The following TWSG1 variants were observed in gnomAD, a reference collection of about 807,000 sequenced individuals.
TWSG1 encodes the protein twisted gastrulation protein homolog 1.
In TWSG1, 15 loss-of-function variants were observed where a neutral mutation model predicts 23.0. The observed-to-expected ratio is 0.65, with a 90% CI of 0.44 to 1.00. The LOEUF is 1.00. Among genes scored for constraint, TWSG1 ranks in the 50% least tolerant of loss-of-function variants. TWSG1 has a pLI of 0.00. For synonymous variants in TWSG1, 86 were observed against 92.8 expected (o/e 0.93, Z 0.42); for missense variants, 242 against 278.7 (o/e 0.87, Z 0.94).
intron 3 of TWSG1, among the ~76,000 whole-genome samples, chr18:9,379,138 G>T (rs973823321): frequency 2.2e-4 from 34 of 152,218 alleles, no homozygotes; most frequent in Middle Eastern, 3.4e-3. Flanking sequence ...ACTAAAAATA[G>T]AACTACCATT....
chr18:9,356,526 A>C (rs946852381), intron 2 of TWSG1, among the ~76,000 whole-genome samples: 2 of 152,176 alleles, frequency 1.3e-5, no homozygotes, highest in Non-Finnish European at 1.5e-5. Flanking sequence ...AATATACAGT[A>C]ATTCATTTAG....
intron 2 of TWSG1, among the ~76,000 whole-genome samples, chr18:9,352,258 G>C (rs2040505549): frequency 6.6e-6 from 1 of 152,034 alleles, no homozygotes; most frequent in Non-Finnish European, 1.5e-5. Flanking sequence ...GTGTGTGTTG[G>C]GTAGTTCTTT....
rs189981145 is a variant in TWSG1 at position 9,349,815 on chromosome 18, T to C, written c.124-10157T>C. Among the ~76,000 whole-genome samples, 4 of 152,346 alleles carry C rather than the reference T, an allele frequency of 2.6e-5. No homozygotes were observed. The East Asian group carries it at 7.7e-4, about 29-fold the overall frequency. On this transcript the variant is annotated intron_variant, in intron 2 of 4. Coordinates refer to ENST00000262120, the MANE Select transcript of TWSG1 (RefSeq NM_020648.6). ...AACATTATTTTCCTAAATTGTTTCTTTCCTCTTCATCCCATTTTCCTGCTC... is the reference window on the plus strand; with the variant it reads ...AACATTATTTTCCTAAATTGTTTCTCTCCTCTTCATCCCATTTTCCTGCTC...
chr18:9,347,220 A>G (rs1417045743), intron 2 of TWSG1, among the ~76,000 whole-genome samples: 1 of 152,166 alleles, frequency 6.6e-6, no homozygotes, highest in Non-Finnish European at 1.5e-5. Flanking sequence ...TTTGTATAGC[A>G]GTCCTTTATC....
intron 3 of TWSG1, among the ~76,000 whole-genome samples, chr18:9,362,560 T>C (rs1415406207): frequency 6.6e-6 from 1 of 152,228 alleles, no homozygotes; most frequent in African/African-American, 2.4e-5. Context: ...CAAATGAACT[T>C]TTATTAATAG....
Position 9,349,428 on chromosome 18 carries a change from G to A in TWSG1, c.124-10544G>A, listed in dbSNP as rs753036282. Among the ~76,000 whole-genome samples the A allele has an allele frequency of 2.7e-4, 41 of 152,032 alleles. 1 individual carries two copies. Among genetic ancestry groups the A allele is most frequent in the Admixed American group, 5.2e-4 (8 of 15,270 alleles). ...GCATCATTTTAGTACTTTGTTGTCT[G>A]AACATTTATTTAGCTCTTTTATGTG... is the stretch of plus-strand genomic sequence containing the variant. On this transcript the variant is annotated intron_variant, in intron 2 of 4. Coordinates refer to ENST00000262120, the MANE Select transcript of TWSG1 (RefSeq NM_020648.6).
chr18:9,352,752 A>C (rs1225875640), intron 2 of TWSG1, among the ~76,000 whole-genome samples: 3 of 152,250 alleles, frequency 2.0e-5, no homozygotes, highest in Non-Finnish European at 4.4e-5. Flanking sequence ...AGTCAATATT[A>C]ATAAGATTCT....
intron 3 of TWSG1, among the ~76,000 whole-genome samples, chr18:9,379,033 C>T (rs1001588498): frequency 6.6e-5 from 10 of 152,030 alleles, no homozygotes; most frequent in Admixed American, 1.3e-4. Flanking sequence ...CAGATGCTGG[C>T]GAAGTTGTGG....
At position 9,400,280 on chromosome 18, in the gene TWSG1, T is replaced by C. The variant is rs2040756756; in HGVS notation, c.*753T>C. ...ACCTATGAAATTGCTTTAAATGCAC[T>C]GCTGGTGTAAATAATTAGCAAGCAA... On this transcript the variant is annotated 3_prime_UTR_variant, in exon 5 of 5. Transcript: ENST00000262120. The C allele has an allele frequency of 8.2e-6, 1 of 122,296 alleles. No individual in the cohort carries two copies. The highest frequency in any genetic ancestry group is 3.1e-5 in the African/African-American group (1 of 32,156). The allele number at this position is 122,296 out of a possible 1,614,324, so 7.6% of individuals were successfully genotyped here. A position where few individuals can be genotyped will look rare whatever the true frequency, so the allele number is the denominator to read the frequency against.
rs553006417 is a variant in TWSG1, at chr18:9,385,110, C to T, written c.224-11170C>T. On this transcript the variant is annotated intron_variant, in intron 3 of 4. Transcript: ENST00000262120. ...GTGTGAGAAATGAATTTGAAAATAGCGAGATTATTTGAAGATCTGTCTGTA... is the reference window on the plus strand; with the variant it reads ...GTGTGAGAAATGAATTTGAAAATAGTGAGATTATTTGAAGATCTGTCTGTA... Among the ~76,000 whole-genome samples the T allele has an allele frequency of 7.2e-5, 11 of 152,204 alleles. No homozygotes were observed. In the South Asian group the frequency reaches 1.2e-3, roughly 17 times the overall value.
chr18:9,352,719 G>A (rs2040507473), intron 2 of TWSG1, among the ~76,000 whole-genome samples: 1 of 152,124 alleles, frequency 6.6e-6, no homozygotes, highest in Admixed American at 6.5e-5. Flanking sequence ...CAACAAGAAT[G>A]GAAATATTTA....
chr18:9,335,230 C>G (rs567174277), intron 1 of TWSG1, among the ~76,000 whole-genome samples: 87 of 152,276 alleles, frequency 5.7e-4, no homozygotes, highest in African/African-American at 2.0e-3. Flanking sequence ...TCCCCCACAC[C>G]GCTACCGGCC....
chr18:9,345,995 T>C (rs1333315259), intron 2 of TWSG1, among the ~76,000 whole-genome samples: 1 of 152,222 alleles, frequency 6.6e-6, no homozygotes, highest in East Asian at 1.9e-4. Context: ...TATTATTAAC[T>C]AAAATCTATG....
intron 1 of TWSG1, among the ~76,000 whole-genome samples, chr18:9,336,053 G>T (rs1039831770): frequency 3.3e-5 from 5 of 152,202 alleles, no homozygotes; most frequent in African/African-American, 9.6e-5. Context: ...TTGAACTGTA[G>T]TATCTTCTTA....
chr18:9,361,053 G>A (rs2040550299), intron 3 of TWSG1, among the ~76,000 whole-genome samples: 2 of 152,192 alleles, frequency 1.3e-5, no homozygotes, highest in East Asian at 1.9e-4. Context: ...TCACTCTAAT[G>A]AATTAATAAT....
intron 3 of TWSG1, among the ~76,000 whole-genome samples, chr18:9,362,209 A>G (rs1295600669): frequency 6.6e-6 from 1 of 152,156 alleles, no homozygotes; most frequent in Non-Finnish European, 1.5e-5. Context: ...TGATATACAC[A>G]CATAAGATTT....
intron 2 of TWSG1, among the ~76,000 whole-genome samples, chr18:9,341,458 G>A (rs930852816): frequency 7.9e-5 from 12 of 151,990 alleles, no homozygotes; most frequent in African/African-American, 2.9e-4. Context: ...TGGGAAAACC[G>A]CTTTTAATCT....
At chr18:9,341,637 C>T (rs1598819583) in intron 2 of TWSG1, among the ~76,000 whole-genome samples, 1 of 152,136 alleles carries the variant, frequency 6.6e-6, no homozygotes, top group South Asian at 2.1e-4. Context: ...CACTCCTGCC[C>T]TGCCACACTT....
chr18:9,367,365 C>T (rs1331768843), intron 3 of TWSG1, among the ~76,000 whole-genome samples: 3 of 152,178 alleles, frequency 2.0e-5, no homozygotes, highest in African/African-American at 7.2e-5. Context: ...TCCTCAGCTC[C>T]TGGTAACCAT....
Sources: allele counts gnomAD v4.1 joint callset (sites outside exome capture counted in the v4.1 genomes callset), GRCh38; gene constraint gnomAD v4.1.1; transcripts MANE v1.5; gene names NCBI Gene and HGNC (gene_info 2026-07-23, HGNC 2026-07-21).